The following MYO3B variants were observed in gnomAD, a reference collection of about 807,000 sequenced individuals.
MYO3B encodes myosin-IIIb.
MYO3B carries 156 observed loss-of-function variants against 174.6 expected under a neutral mutation model. The ratio of observed to expected loss-of-function variants is 0.89; its 90% CI spans 0.78 to 1.02. MYO3B has a LOEUF of 1.02. Among genes scored for constraint, MYO3B ranks in the 50% least tolerant of loss-of-function variants. The pLI is 0.00. For synonymous variants in MYO3B, 563 were observed against 569.1 expected, an observed-to-expected ratio of 0.99 and a Z score of 0.15; for missense variants, 1,632 against 1,639.4, an observed-to-expected ratio of 1.00 and a Z score of 0.08.
intron 7 of MYO3B, among the ~76,000 whole-genome samples, chr2:170,286,097 G>A (rs770402708): frequency 1.3e-5 from 2 of 151,990 alleles, no homozygotes; most frequent in South Asian, 4.2e-4. Context: ...TTGAATTATT[G>A]TGCTTTGATA....
chr2:170,609,646 G>C (rs1163938610), intron 32 of MYO3B, among the ~76,000 whole-genome samples: 1 of 152,224 alleles, frequency 6.6e-6, no homozygotes, highest in African/African-American at 2.4e-5. Context: ...TTAGGCTGCT[G>C]TTTCTTTCTC....
chr2:170,303,811 A>G (rs932216850), intron 7 of MYO3B, among the ~76,000 whole-genome samples: 1 of 152,136 alleles, frequency 6.6e-6, no homozygotes, highest in African/African-American at 2.4e-5. Flanking sequence ...TTACACATGT[A>G]CTAATATATA....
At chr2:170,487,523 T>C (rs1417524312) in intron 25 of MYO3B, among the ~76,000 whole-genome samples, 2 of 152,222 alleles carry the variant, frequency 1.3e-5, no homozygotes, top group Admixed American at 6.5e-5. Flanking sequence ...GGTGACAACA[T>C]GGTTATACCA....
chr2:170,383,773 G>A lies in MYO3B; in HGVS notation c.1249G>A (p.Asp417Asn). Residue 417 changes from aspartate (D) to asparagine (N), a missense_variant, in exon 12 of 35, where the codon GAT becomes AAT. Coordinates refer to ENST00000408978, the MANE Select transcript of MYO3B (RefSeq NM_138995.5). ...TCCCCCCCACATATTTGCATCAGCAGATGCTGCTTACCAGTGCATGGTTAC... is the reference window on the plus strand; with the variant it reads ...TCCCCCCCACATATTTGCATCAGCAAATGCTGCTTACCAGTGCATGGTTAC... Reference protein sequence around the residue: ...SNPPHIFASADAAYQCMVTLS... With the variant: ...SNPPHIFASANAAYQCMVTLS... 1.9e-6 allele frequency: 3 copies of A among 1,613,810 alleles called. No homozygotes were observed. Among genetic ancestry groups the A allele is most frequent in the Non-Finnish European group, 2.5e-6 (3 of 1,179,760 alleles).
At chr2:170,547,164 A>T (rs1400891475) in intron 32 of MYO3B, among the ~76,000 whole-genome samples, 1 of 15,534 alleles carries the variant, frequency 6.4e-5, no homozygotes, top group Non-Finnish European at 2.0e-4. Context: ...CTAAAAATAC[A>T]AAAAAAAAAA....
chr2:170,505,557 T>C (rs570755548), intron 28 of MYO3B, among the ~76,000 whole-genome samples: 1 of 152,348 alleles, frequency 6.6e-6, no homozygotes, highest in East Asian at 1.9e-4. Context: ...TAACTACATT[T>C]ATTCAACCAA....
At chr2:170,500,857 AT>A (rs1687219056) in intron 27 of MYO3B, among the ~76,000 whole-genome samples, 1 of 152,224 alleles carries the variant, frequency 6.6e-6, no homozygotes, top group Non-Finnish European at 1.5e-5. Flanking sequence ...AATCTCTTTC[AT>A]GTGCCCTGCC....
At chr2:170,328,111 A>C (rs372087819) in intron 7 of MYO3B, among the ~76,000 whole-genome samples, 2 of 152,028 alleles carry the variant, frequency 1.3e-5, no homozygotes, top group South Asian at 4.1e-4. Context: ...TGTATTGCCC[A>C]GGCTGATCTT....
chr2:170,382,139 C>T (rs1230862702), intron 10 of MYO3B, 27 bp downstream of exon 10: 3 of 1,559,076 alleles, frequency 1.9e-6, no homozygotes, highest in Non-Finnish European at 1.8e-6. Flanking sequence ...AGACAATTCT[C>T]ATTGAAGACA....
chr2:170,543,017 C>T (rs771620618), intron 31 of MYO3B, 51 bp downstream of exon 31: 1 of 1,433,496 alleles, frequency 7.0e-7, no homozygotes, highest in Admixed American at 1.8e-5. Flanking sequence ...CCTTCAGACT[C>T]ATCCAAGTTC....
intron 25 of MYO3B, among the ~76,000 whole-genome samples, chr2:170,491,458 T>TCTCG (rs71006096): frequency 6.6e-6 from 1 of 151,378 alleles, no homozygotes; most frequent in South Asian, 2.1e-4. Flanking sequence ...TAAGACGGAG[T>TCTCG]CTCTGTCGAC....
rs140879195 is a variant in MYO3B at position 170,598,862 on chromosome 2, A to G, written c.3734-52766A>G. On this transcript the variant is annotated intron_variant, in intron 32 of 34. Coordinates refer to ENST00000408978, the MANE Select transcript of MYO3B (RefSeq NM_138995.5). Reference sequence around the variant, plus strand: ...ATGAAATTACCCATGTCCAGAGCTAAGCTAAGAATCTAGTACCTCGTAAGC... The same window carrying G: ...ATGAAATTACCCATGTCCAGAGCTAGGCTAAGAATCTAGTACCTCGTAAGC... 4.3e-4 allele frequency among the ~76,000 whole-genome samples: 65 copies of G among 152,364 alleles called. 1 individual carries two copies. In the East Asian group the frequency reaches 9.6e-3, roughly 23 times the overall value.
chr2:170,475,769 G>T (rs539587959), intron 25 of MYO3B, among the ~76,000 whole-genome samples: 28 of 152,290 alleles, frequency 1.8e-4, no homozygotes, highest in African/African-American at 6.5e-4. Context: ...GTTGTCTATG[G>T]GACGAGGTCT....
intron 6 of MYO3B, among the ~76,000 whole-genome samples, chr2:170,233,998 C>T (rs1293418602): frequency 1.3e-5 from 2 of 151,380 alleles, no homozygotes; most frequent in African/African-American, 2.4e-5. Context: ...GGTGAAACCC[C>T]GTCTCTACTA....
intron 32 of MYO3B, among the ~76,000 whole-genome samples, chr2:170,615,337 G>C (rs1467375282): frequency 6.6e-6 from 1 of 152,218 alleles, no homozygotes; most frequent in Non-Finnish European, 1.5e-5. Flanking sequence ...AGTCAGACAA[G>C]AAAGAAAATC....
chr2:170,385,114 G>T (rs1314060103), intron 12 of MYO3B, among the ~76,000 whole-genome samples: 1 of 152,098 alleles, frequency 6.6e-6, no homozygotes, highest in Non-Finnish European at 1.5e-5. Flanking sequence ...CAGGGTGTAT[G>T]GGGGGAGGAA....
chr2:170,181,659 G>T (rs1447486734), intron 1 of MYO3B, among the ~76,000 whole-genome samples: 2 of 152,058 alleles, frequency 1.3e-5, no homozygotes, highest in Non-Finnish European at 2.9e-5. Context: ...AATAAATGTT[G>T]AATTTTTTGT....
chr2:170,256,745 C>G (rs1488379042), intron 7 of MYO3B, among the ~76,000 whole-genome samples: 1 of 152,086 alleles, frequency 6.6e-6, no homozygotes, highest in Non-Finnish European at 1.5e-5. Flanking sequence ...GGATCAAAAC[C>G]TCACATAACA....
intron 7 of MYO3B, among the ~76,000 whole-genome samples, chr2:170,322,043 G>C (rs967782911): frequency 5.3e-5 from 8 of 151,516 alleles, no homozygotes; most frequent in African/African-American, 1.9e-4. Context: ...GAACCCGGGA[G>C]GTGGAGGTTG....
Sources: allele counts gnomAD v4.1 joint callset (sites outside exome capture counted in the v4.1 genomes callset), GRCh38; gene constraint gnomAD v4.1.1; transcripts MANE v1.5; gene names NCBI Gene and HGNC (gene_info 2026-07-23, HGNC 2026-07-21).